Variants in DEFB121 observed in about 807,000 individuals in gnomAD.
DEFB121 encodes defensin beta 121, also known as beta-defensin 121.
Under a neutral mutation model 2.5 loss-of-function variants are expected in DEFB121, and 5 were observed. The ratio of observed to expected loss-of-function variants is 1.96; its 90% CI spans 1.03 to 4.13. DEFB121 has a LOEUF of 4.13. Ranked by LOEUF, DEFB121 falls within the 30% of genes most tolerant of loss-of-function variation. The probability of loss-of-function intolerance (pLI) is 0.00; values close to 1 mark genes in which losing one functional copy is unlikely to be tolerated. For missense variants in DEFB121, 87 were observed against 85.0 expected (o/e 1.02, Z -0.09); for synonymous variants, 39 against 32.6 (o/e 1.20, Z -0.67).
At chr20:31,412,657 T>C (rs1435391571) in exon 1 of DEFB121, 2 of 1,290,966 alleles carry the variant, frequency 1.5e-6, no homozygotes, top group East Asian at 1.1e-4. Flanking sequence ...GCTATTGACC[T>C]CTTTCCTCCT....
Position 31,406,199 on chromosome 20 carries a change from AACAG to A in DEFB121, c.-51_-48del, listed in dbSNP as rs755276011. The A allele has an allele frequency of 1.8e-5, 29 of 1,612,418 alleles. No individual in the cohort carries two copies. Among genetic ancestry groups the A allele is most frequent in the African/African-American group, 6.7e-5 (5 of 75,024 alleles). Reference sequence around the variant, plus strand: ...GGATAGGAGGCTTCTCAACTGGTAAAACAGACAGAGGACTCCATTCTGGGCAGTC... The same window carrying A: ...GGATAGGAGGCTTCTCAACTGGTAAAACAGAGGACTCCATTCTGGGCAGTC... On this transcript the variant is annotated 5_prime_UTR_variant, in exon 1 of 2. Transcript: ENST00000376314.
chr20:31,417,216 G>T (rs1214329799), upstream of DEFB121, among the ~76,000 whole-genome samples: 1 of 152,050 alleles, frequency 6.6e-6, no homozygotes, highest in Non-Finnish European at 1.5e-5. Context: ...GTGGTGATGT[G>T]TGCCTGTAAT....
upstream of DEFB121, among the ~76,000 whole-genome samples, chr20:31,409,600 A>G (rs6059146): frequency 0.23 from 35,071 of 151,790 alleles, 4,837 homozygotes; most frequent in African/African-American, 0.36. Flanking sequence ...AATTAGCCAG[A>G]CATGGTGGCG....
intron 1 of DEFB121, among the ~76,000 whole-genome samples, chr20:31,405,823 C>G (rs1197714424): frequency 1.3e-5 from 2 of 152,204 alleles, no homozygotes; most frequent in Admixed American, 6.5e-5. Context: ...ATACCCAAGT[C>G]TCTCTCTTTA....
In DEFB121 at chr20:31,406,107, G is replaced by C; in HGVS notation, c.46C>G (p.Gln16Glu). 1 of 1,614,110 alleles carries C rather than the reference G, an allele frequency of 6.2e-7. No homozygotes were observed. Among genetic ancestry groups the C allele is most frequent in the East Asian group, 2.2e-5 (1 of 44,876 alleles). Reference sequence around the variant, plus strand: ...AGATCCTGTTTACCTGGGGTGACCTGGGCCAGGAGCAGAGTAACAGTCAAA... The same window carrying C: ...AGATCCTGTTTACCTGGGGTGACCTCGGCCAGGAGCAGAGTAACAGTCAAA... ...LLLTVTLLLA[Q>E]VTPVMKCWGK... Residue 16 changes from glutamine (Q) to glutamate (E), a missense_variant, in exon 1 of 2, where the codon CAG becomes GAG. Gln to Glu is a conservative substitution (Grantham distance 29). Coordinates refer to ENST00000376314, the MANE Select transcript of DEFB121 (RefSeq NM_001011878.3).
At chr20:31,418,133 G>A in the DEFB121 span, among the ~76,000 whole-genome samples, 259 of 147,200 alleles carry the variant, frequency 1.8e-3, 6 homozygotes, top group Admixed American at 0.016. Flanking sequence ...AGTGGCGGGC[G>A]CCTGTAGTCC....
upstream of DEFB121, among the ~76,000 whole-genome samples, chr20:31,413,494 CTGTT>C (rs1484253209): frequency 6.6e-6 from 1 of 152,170 alleles, no homozygotes; most frequent in Non-Finnish European, 1.5e-5. Context: ...GAACAGAGGT[CTGTT>C]TGTCTATTTC....
chr20:31,409,747 C>T (rs1200015552), upstream of DEFB121, among the ~76,000 whole-genome samples: 2 of 152,044 alleles, frequency 1.3e-5, no homozygotes, highest in African/African-American at 4.8e-5. Context: ...AACACTGTCT[C>T]AAAAGAATAA....
chr20:31,416,986 T>G (rs1315626710), upstream of DEFB121, among the ~76,000 whole-genome samples: 2 of 152,260 alleles, frequency 1.3e-5, no homozygotes, highest in East Asian at 3.9e-4. Flanking sequence ...AGCAAAAACC[T>G]TAAAAGGGGT....
upstream of DEFB121, among the ~76,000 whole-genome samples, chr20:31,407,037 G>C (rs1453124387): frequency 1.3e-5 from 2 of 152,070 alleles, no homozygotes; most frequent in Non-Finnish European, 2.9e-5. Context: ...CACAAGTTCA[G>C]GAGATCGAGA....
At chr20:31,417,691 A>T (rs554208828), upstream of DEFB121, among the ~76,000 whole-genome samples, 1 of 152,304 alleles carries the variant, frequency 6.6e-6, no homozygotes, top group African/African-American at 2.4e-5. Flanking sequence ...GGTTGGGCAC[A>T]GTGGCTCACA....
chr20:31,410,417 C>G (rs1364849267), upstream of DEFB121, among the ~76,000 whole-genome samples: 3 of 152,188 alleles, frequency 2.0e-5, no homozygotes, highest in Non-Finnish European at 4.4e-5. Context: ...ATACTATGCT[C>G]ACTACCTGGG....
At chr20:31,412,728 A>T in exon 1 of DEFB121, 1 of 1,226,382 alleles carries the variant, frequency 8.2e-7, no homozygotes, top group Non-Finnish European at 1.1e-6. Context: ...GGACATTAGG[A>T]TTGGCAGTAG....
chr20:31,418,273 A>AAAAAAAAAAG, the DEFB121 span, among the ~76,000 whole-genome samples: 1 of 149,144 alleles, frequency 6.7e-6, no homozygotes, highest in Non-Finnish European at 1.5e-5. Context: ...AAAAAAAAAA[A>AAAAAAAAAAG]AAAAAAAAAG....
At position 31,406,183 on chromosome 20, in the gene DEFB121, G is replaced by C. The variant is rs754360458; in HGVS notation, c.-31C>G. The C allele has an allele frequency of 2.0e-5, 32 of 1,613,332 alleles. No homozygotes were observed. The highest frequency in any genetic ancestry group is 2.5e-5 in the Non-Finnish European group (30 of 1,179,600). The stretch of plus-strand genomic sequence containing the variant: ...ATGAATGATCAGGGAGGGATAGGAG[G>C]CTTCTCAACTGGTAAAACAGACAGA... On this transcript the variant is annotated 5_prime_UTR_variant, in exon 1 of 2. Transcript: ENST00000376314.
chr20:31,415,438 C>T (rs1978779843), upstream of DEFB121, among the ~76,000 whole-genome samples: 2 of 152,034 alleles, frequency 1.3e-5, no homozygotes, highest in South Asian at 4.2e-4. Context: ...TTATTAGAGA[C>T]AGGGTTTCAC....
intron 1 of DEFB121, 58 bp downstream of exon 1, chr20:31,406,037 T>C (rs1430903572): frequency 6.3e-7 from 1 of 1,585,120 alleles, no homozygotes; most frequent in Non-Finnish European, 8.7e-7. Flanking sequence ...GTCCCCAGAG[T>C]TCTCTGAACA....
At chr20:31,418,246 C>G in the DEFB121 span, among the ~76,000 whole-genome samples, 1 of 115,774 alleles carries the variant, frequency 8.6e-6, no homozygotes, top group African/African-American at 3.2e-5. Flanking sequence ...GGCGACAGAG[C>G]GAGACTCCGT....
At chr20:31,417,613 A>G (rs1406340718), upstream of DEFB121, among the ~76,000 whole-genome samples, 2 of 152,094 alleles carry the variant, frequency 1.3e-5, no homozygotes, top group African/African-American at 4.8e-5. Flanking sequence ...GAGTTTGCAG[A>G]TTGACAGGGC....
Sources: allele counts gnomAD v4.1 joint callset (sites outside exome capture counted in the v4.1 genomes callset), GRCh38; gene constraint gnomAD v4.1.1; transcripts MANE v1.5; gene names NCBI Gene and HGNC (gene_info 2026-07-23, HGNC 2026-07-21).